The following CLEC9A variants were observed in gnomAD, a reference collection of about 807,000 sequenced individuals.
The protein encoded by CLEC9A is C-type lectin domain containing 9A.
CLEC9A carries 24 observed loss-of-function variants against 30.0 expected under a neutral mutation model. The observed-to-expected ratio is 0.80, with a 90% CI of 0.58 to 1.13. CLEC9A has a LOEUF of 1.13. Among genes scored for constraint, CLEC9A ranks in the 50% most tolerant of loss-of-function variants. CLEC9A has a pLI of 0.00. For synonymous variants in CLEC9A, 111 were observed against 96.8 expected, an observed-to-expected ratio of 1.15 and a Z score of -0.86; for missense variants, 251 against 280.9, an observed-to-expected ratio of 0.89 and a Z score of 0.76.
chr12:10,036,369 T>G (rs1865744270), intron 1 of CLEC9A, among the ~76,000 whole-genome samples: 1 of 152,206 alleles, frequency 6.6e-6, no homozygotes, highest in African/African-American at 2.4e-5. Flanking sequence ...AGTATTTGTG[T>G]GAAAGCCTGG....
Position 10,052,684 on chromosome 12 carries a change from A to G in CLEC9A, c.-4A>G. The stretch of plus-strand genomic sequence containing the variant: ...GACTGCTTTCCTATCAAAGCACCTT[A>G]GACATGCACGAGGAAGAAATATACA... On this transcript the variant is annotated 5_prime_UTR_variant, in exon 4 of 9. Transcript: ENST00000355819. 6.2e-7 allele frequency: 1 copy of G among 1,613,810 alleles called. No individual in the cohort carries two copies. The highest frequency in any genetic ancestry group is 8.5e-7 in the Non-Finnish European group (1 of 1,179,792).
intron 2 of CLEC9A, among the ~76,000 whole-genome samples, chr12:10,044,056 C>A (rs558042266): frequency 2.2e-4 from 34 of 152,272 alleles, no homozygotes; most frequent in African/African-American, 6.7e-4. Flanking sequence ...AGTCTTTTGA[C>A]TTTTCGGTGG....
chr12:10,032,320 C>G (rs1035748910), intron 1 of CLEC9A, among the ~76,000 whole-genome samples: 10 of 152,006 alleles, frequency 6.6e-5, no homozygotes, highest in Non-Finnish European at 1.2e-4. Context: ...CCCAAAGATC[C>G]CGTAACATAA....
chr12:10,065,032 T>G (rs1216103266), intron 8 of CLEC9A, among the ~76,000 whole-genome samples, 179 bp downstream of exon 8: 1 of 152,202 alleles, frequency 6.6e-6, no homozygotes, highest in Non-Finnish European at 1.5e-5. Flanking sequence ...TAAGTCTCTC[T>G]CCTTCCCAGC....
intron 2 of CLEC9A, among the ~76,000 whole-genome samples, chr12:10,047,746 T>A (rs145027420): frequency 1.4e-4 from 22 of 152,352 alleles, no homozygotes; most frequent in African/African-American, 5.3e-4. Flanking sequence ...TAGCACTATG[T>A]CTACAAATGC....
At chr12:10,041,786 C>A (rs1865800098) in intron 2 of CLEC9A, among the ~76,000 whole-genome samples, 166 bp downstream of exon 2, 4 of 152,150 alleles carry the variant, frequency 2.6e-5, no homozygotes, top group African/African-American at 9.7e-5. Flanking sequence ...ATATTCAATC[C>A]AGTCATAATA....
At chr12:10,046,047 T>C (rs994781562) in intron 2 of CLEC9A, among the ~76,000 whole-genome samples, 2 of 152,194 alleles carry the variant, frequency 1.3e-5, no homozygotes, top group African/African-American at 4.8e-5. Flanking sequence ...ACAAAAAGAA[T>C]ACTAAACTTG....
intron 2 of CLEC9A, among the ~76,000 whole-genome samples, chr12:10,042,327 A>G (rs767296481): frequency 6.6e-6 from 1 of 152,204 alleles, no homozygotes; most frequent in Non-Finnish European, 1.5e-5. Context: ...CTGTCACACA[A>G]TAGCTCCTGT....
At position 10,032,392 on chromosome 12, in the gene CLEC9A, T is replaced by TC. The variant is rs1344315224; in HGVS notation, c.-318+1420_-318+1421insC. On this transcript the variant is annotated intron_variant, in intron 1 of 8. Transcript: ENST00000355819. ...CCACCTACCTCCTTAGGGATTTCTT[T>TC]TTTTTTTTTTTTTTTTGAGACGGAG... Among the ~76,000 whole-genome samples, 1,461 of 146,364 alleles carry TC rather than the reference T, an allele frequency of 1.0e-2. 15 individuals are homozygous for TC. Among genetic ancestry groups the TC allele is most frequent in the African/African-American group, 0.034 (1,343 of 39,922 alleles).
chr12:10,040,692 C>T (rs956611620), intron 1 of CLEC9A, among the ~76,000 whole-genome samples: 7 of 151,930 alleles, frequency 4.6e-5, no homozygotes, highest in Admixed American at 6.5e-5. Context: ...CCTCGTGATC[C>T]GCCCGCCTCA....
intron 5 of CLEC9A, among the ~76,000 whole-genome samples, chr12:10,057,647 A>G (rs1452498700): frequency 2.0e-5 from 3 of 151,942 alleles, no homozygotes; most frequent in African/African-American, 7.2e-5. Context: ...ACATTTATAT[A>G]AAAATATGGT....
chr12:10,038,660 A>G (rs1373281496), intron 1 of CLEC9A, among the ~76,000 whole-genome samples: 1 of 152,238 alleles, frequency 6.6e-6, no homozygotes, highest in Non-Finnish European at 1.5e-5. Context: ...ATGGCAAAAT[A>G]GACAGCATCC....
intron 5 of CLEC9A, among the ~76,000 whole-genome samples, chr12:10,055,229 T>C (rs1225266307): frequency 1.3e-5 from 2 of 152,234 alleles, no homozygotes; most frequent in African/African-American, 4.8e-5. Context: ...AAGACAGCTT[T>C]CTTTTTCTCT....
Position 10,037,643 on chromosome 12 carries a change from G to A in CLEC9A, c.-317-3823G>A, listed in dbSNP as rs540232928. On this transcript the variant is annotated intron_variant, in intron 1 of 8. Coordinates refer to ENST00000355819, the MANE Select transcript of CLEC9A (RefSeq NM_207345.4). ...ACCCAGGAAAAACCCATGCAAACAC[G>A]GGGAGACCGTGCAAACTCCACACAG... Among the ~76,000 whole-genome samples the A allele has an allele frequency of 3.3e-5, 5 of 152,264 alleles. No homozygotes were observed. The South Asian group carries it at 1.0e-3, about 32-fold the overall frequency.
intron 6 of CLEC9A, among the ~76,000 whole-genome samples, chr12:10,061,773 C>A (rs144156892): frequency 4.6e-5 from 7 of 152,288 alleles, no homozygotes; most frequent in East Asian, 1.9e-4. Flanking sequence ...GCAGTTTAAT[C>A]TTTTATATGC....
At chr12:10,034,710 T>C (rs1865729571) in intron 1 of CLEC9A, among the ~76,000 whole-genome samples, 1 of 152,272 alleles carries the variant, frequency 6.6e-6, no homozygotes, top group African/African-American at 2.4e-5. Context: ...GGCTCGCTTC[T>C]TCAGTGCCCC....
chr12:10,046,932 T>C (rs973115191), intron 2 of CLEC9A, among the ~76,000 whole-genome samples: 2 of 152,232 alleles, frequency 1.3e-5, no homozygotes, highest in Admixed American at 6.5e-5. Flanking sequence ...ACCTTGCTCA[T>C]AGGTAATTGT....
At chr12:10,047,274 TTGGCTTTTG>T (rs1865854973) in intron 2 of CLEC9A, among the ~76,000 whole-genome samples, 2 of 152,328 alleles carry the variant, frequency 1.3e-5, no homozygotes, top group South Asian at 4.1e-4. Flanking sequence ...AGCCATAACT[TTGGCTTTTG>T]TTTCGTCTCC....
At chr12:10,047,288 G>A (rs993160762) in intron 2 of CLEC9A, among the ~76,000 whole-genome samples, 3 of 152,042 alleles carry the variant, frequency 2.0e-5, no homozygotes, top group Non-Finnish European at 2.9e-5. Flanking sequence ...CTTTTGTTTC[G>A]TCTCCCAAAA....
Sources: allele counts gnomAD v4.1 joint callset (sites outside exome capture counted in the v4.1 genomes callset), GRCh38; gene constraint gnomAD v4.1.1; transcripts MANE v1.5; gene names NCBI Gene and HGNC (gene_info 2026-07-23, HGNC 2026-07-21).